DLG2: variants seen among roughly 807,000 people sequenced by gnomAD.
DLG2 encodes the protein disks large homolog 2.
DLG2 carries 45 observed loss-of-function variants against 132.5 expected under a neutral mutation model. That is an observed-to-expected ratio of 0.34 (90% CI 0.27 to 0.44). The LOEUF is 0.44. Ranked by LOEUF, DLG2 falls within the 20% of genes least tolerant of loss-of-function variation. DLG2 has a pLI of 1.00. For synonymous variants in DLG2, 424 were observed against 419.6 expected (o/e 1.01, Z -0.13); for missense variants, 1,045 against 1,196.9 (o/e 0.87, Z 1.87).
At chr11:85,458,532 G>T (rs2092494154) in intron 3 of DLG2, among the ~76,000 whole-genome samples, 2 of 152,128 alleles carry the variant, frequency 1.3e-5, no homozygotes, top group South Asian at 4.1e-4. Flanking sequence ...TCTCGCACTG[G>T]TTCTTTTTCA....
intron 6 of DLG2, among the ~76,000 whole-genome samples, chr11:84,552,218 C>T (rs1264307227): frequency 6.6e-6 from 1 of 152,158 alleles, no homozygotes; most frequent in Non-Finnish European, 1.5e-5. Flanking sequence ...CCCATCACAC[C>T]CTTGTTTCTT....
At chr11:84,153,695 T>C (rs1198858220) in intron 9 of DLG2, among the ~76,000 whole-genome samples, 1 of 152,204 alleles carries the variant, frequency 6.6e-6, no homozygotes, top group Non-Finnish European at 1.5e-5. Context: ...TCCAGAACTT[T>C]AGTTTGGTTC....
At chr11:84,536,115 T>C (rs957824221) in intron 6 of DLG2, among the ~76,000 whole-genome samples, 12 of 152,158 alleles carry the variant, frequency 7.9e-5, no homozygotes, top group Non-Finnish European at 1.8e-4. Context: ...AGGTAGGCTT[T>C]CTTCAATGTC....
intron 21 of DLG2, among the ~76,000 whole-genome samples, chr11:83,518,079 T>A (rs1426610804): frequency 6.6e-6 from 1 of 152,176 alleles, no homozygotes; most frequent in African/African-American, 2.4e-5. Flanking sequence ...TCTGCAGAGG[T>A]TTCTGGTGCC....
At chr11:84,768,298 CTTATT>C (rs2153882733) in intron 6 of DLG2, among the ~76,000 whole-genome samples, 1 of 152,184 alleles carries the variant, frequency 6.6e-6, no homozygotes. Flanking sequence ...TGTGTTTATG[CTTATT>C]TTGAGTCATT....
At chr11:83,895,255 G>T (rs1053053995) in intron 15 of DLG2, among the ~76,000 whole-genome samples, 1 of 150,206 alleles carries the variant, frequency 6.7e-6, no homozygotes, top group Non-Finnish European at 1.5e-5. Flanking sequence ...CGCCTCCAGG[G>T]TTCAAGTGAT....
At chr11:85,063,961 T>C (rs934341067) in intron 6 of DLG2, among the ~76,000 whole-genome samples, 1 of 151,792 alleles carries the variant, frequency 6.6e-6, no homozygotes, top group African/African-American at 2.4e-5. Flanking sequence ...ACTATTCCTT[T>C]CCTTCAGGAT....
chr11:84,099,741 A>G (rs976535380), intron 9 of DLG2, among the ~76,000 whole-genome samples: 5 of 148,004 alleles, frequency 3.4e-5, no homozygotes, highest in African/African-American at 7.4e-5. Context: ...GTGGGTGTGT[A>G]TATATATATA....
intron 18 of DLG2, among the ~76,000 whole-genome samples, chr11:83,718,532 G>GAAAAAAAAAAAAAAAAAAAAAAAA (rs57237354): frequency 9.4e-6 from 1 of 106,268 alleles, no homozygotes; most frequent in Non-Finnish European, 1.8e-5. Context: ...CTCAAAAAAA[G>GAAAAAAAAAAAAAAAAAAAAAAAA]AAAAAAAAAA....
chr11:84,683,758 T>A (rs1361893144), intron 6 of DLG2, among the ~76,000 whole-genome samples: 3 of 152,138 alleles, frequency 2.0e-5, no homozygotes, highest in African/African-American at 7.2e-5. Flanking sequence ...AAGGATGGGT[T>A]TTGAGAAGCA....
chr11:84,416,150 C>T (rs1238382831), intron 7 of DLG2, among the ~76,000 whole-genome samples: 2 of 152,078 alleles, frequency 1.3e-5, no homozygotes, highest in Admixed American at 1.3e-4. Context: ...CCTTTCATGA[C>T]CCTATATTCA....
chr11:83,807,869 G>C (rs945314764), intron 17 of DLG2, among the ~76,000 whole-genome samples: 1 of 152,032 alleles, frequency 6.6e-6, no homozygotes, highest in Non-Finnish European at 1.5e-5. Context: ...TAAGAGATAC[G>C]GTCTGTGTGG....
intron 15 of DLG2, among the ~76,000 whole-genome samples, chr11:83,881,719 T>C (rs1047139291): frequency 3.9e-5 from 6 of 152,186 alleles, no homozygotes; most frequent in Non-Finnish European, 7.4e-5. Flanking sequence ...AAGCAGAATG[T>C]TTATGTCCCA....
chr11:84,806,285 C>G (rs1235356619), intron 6 of DLG2, among the ~76,000 whole-genome samples: 1 of 151,992 alleles, frequency 6.6e-6, no homozygotes, highest in Non-Finnish European at 1.5e-5. Context: ...GCTGAAAATG[C>G]TTTGAAATAA....
chr11:83,499,235 G>A (rs2094316849), intron 21 of DLG2, among the ~76,000 whole-genome samples: 1 of 152,212 alleles, frequency 6.6e-6, no homozygotes, highest in South Asian at 2.1e-4. Flanking sequence ...ACCAAAATTT[G>A]ACAAAGATAT....
At chr11:84,088,247 T>C (rs2097024798) in intron 10 of DLG2, among the ~76,000 whole-genome samples, 1 of 152,194 alleles carries the variant, frequency 6.6e-6, no homozygotes, top group Non-Finnish European at 1.5e-5. Context: ...TCTAAGACTT[T>C]TATAGTTCTA....
chr11:84,998,825 A>G (rs1413956464), intron 6 of DLG2, among the ~76,000 whole-genome samples: 1 of 151,996 alleles, frequency 6.6e-6, no homozygotes, highest in Non-Finnish European at 1.5e-5. Flanking sequence ...TATCATGCCT[A>G]TGAGGCATAA....
At chr11:85,595,167 T>C (rs1159869087) in intron 3 of DLG2, among the ~76,000 whole-genome samples, 1 of 152,022 alleles carries the variant, frequency 6.6e-6, no homozygotes, top group East Asian at 1.9e-4. Context: ...AATCTTAATG[T>C]TTTATATATT....
intron 6 of DLG2, among the ~76,000 whole-genome samples, chr11:84,741,279 C>A (rs965857212): frequency 6.6e-6 from 1 of 151,748 alleles, no homozygotes; most frequent in Non-Finnish European, 1.5e-5. Flanking sequence ...TGGTCTCGAT[C>A]TCCTGACCTC....
Sources: gnomAD v4.1 joint callset for allele counts (sites outside exome capture counted in the v4.1 genomes callset) on GRCh38, gnomAD v4.1.1 for gene constraint, MANE v1.5 for transcripts, NCBI Gene and HGNC (gene_info 2026-07-23, HGNC 2026-07-21) for gene names.